Variants in RIMS1 observed in about 807,000 individuals in gnomAD.
RIMS1 encodes the protein regulating synaptic membrane exocytosis protein 1.
RIMS1 carries 83 observed loss-of-function variants against 214.1 expected under a neutral mutation model. The ratio of observed to expected loss-of-function variants is 0.39; its 90% CI spans 0.32 to 0.47. The LOEUF (loss-of-function observed/expected upper bound fraction) is 0.47. RIMS1 is among the 20% of genes least tolerant of loss of function. The pLI is 0.99. For synonymous variants in RIMS1, 793 were observed against 786.8 expected, an observed-to-expected ratio of 1.01 and a Z score of -0.13; for missense variants, 2,050 against 2,161.8, an observed-to-expected ratio of 0.95 and a Z score of 1.03.
At chr6:72,244,010 G>C (rs1177278227) in intron 10 of RIMS1, among the ~76,000 whole-genome samples, 1 of 150,662 alleles carries the variant, frequency 6.6e-6, no homozygotes, top group Non-Finnish European at 1.5e-5. Context: ...TGTTACCCAG[G>C]CTGGAAAGCT....
intron 22 of RIMS1, among the ~76,000 whole-genome samples, chr6:72,271,737 T>C (rs1445387440): frequency 6.6e-6 from 1 of 152,194 alleles, no homozygotes; most frequent in Non-Finnish European, 1.5e-5. Flanking sequence ...GCACTGTCTA[T>C]TTCTTGGTTA....
At chr6:72,262,857 C>A in intron 19 of RIMS1, 1 of 641,540 alleles carries the variant, frequency 1.6e-6, no homozygotes, top group Non-Finnish European at 1.9e-6. Flanking sequence ...TGAGGATTTA[C>A]TAGTCTCTAG....
chr6:72,148,167 G>T (rs1316218161), intron 4 of RIMS1, among the ~76,000 whole-genome samples: 1 of 152,188 alleles, frequency 6.6e-6, no homozygotes, highest in Non-Finnish European at 1.5e-5. Context: ...TGAGGGGTGT[G>T]TCCTGTGGTA....
intron 2 of RIMS1, among the ~76,000 whole-genome samples, chr6:72,046,778 A>T (rs1823178882): frequency 6.6e-6 from 1 of 152,140 alleles, no homozygotes; most frequent in Non-Finnish European, 1.5e-5. Flanking sequence ...AAGCCAATAG[A>T]TCATATAAAA....
At chr6:72,271,755 C>A (rs1203479071) in intron 22 of RIMS1, among the ~76,000 whole-genome samples, 2 of 152,140 alleles carry the variant, frequency 1.3e-5, no homozygotes, top group African/African-American at 4.8e-5. Flanking sequence ...TTAAGGTTCT[C>A]ATTATTCTTT....
chr6:72,329,828 G>GGGAGCA (rs1316802473), intron 28 of RIMS1, among the ~76,000 whole-genome samples: 4 of 151,684 alleles, frequency 2.6e-5, no homozygotes, highest in African/African-American at 7.3e-5. Flanking sequence ...AGATTGGAGA[G>GGGAGCA]GGAGCAGGTT....
chr6:72,372,776 A>T (rs571161869), intron 29 of RIMS1, among the ~76,000 whole-genome samples: 2 of 152,340 alleles, frequency 1.3e-5, no homozygotes, highest in East Asian at 3.9e-4. Flanking sequence ...GAAACTATAT[A>T]TGGCTGCCGC....
At chr6:72,303,981 C>T (rs543311221) in intron 26 of RIMS1, among the ~76,000 whole-genome samples, 11 of 151,320 alleles carry the variant, frequency 7.3e-5, no homozygotes, top group South Asian at 4.2e-4. Flanking sequence ...CTTTATCTTT[C>T]GACTTTATTA....
intron 2 of RIMS1, among the ~76,000 whole-genome samples, chr6:72,060,012 C>T (rs1444199611): frequency 1.3e-5 from 2 of 152,048 alleles, no homozygotes; most frequent in Non-Finnish European, 2.9e-5. Context: ...GATCTCAGCT[C>T]ACCACAACCT....
intron 29 of RIMS1, among the ~76,000 whole-genome samples, chr6:72,341,898 T>C (rs1312441826): frequency 6.6e-6 from 1 of 151,798 alleles, no homozygotes; most frequent in Non-Finnish European, 1.5e-5. Flanking sequence ...TTTCTCCAAA[T>C]ACTGACAAGA....
chr6:71,956,095 T>G (rs1936021), intron 1 of RIMS1, among the ~76,000 whole-genome samples: 54 of 148,562 alleles, frequency 3.6e-4, no homozygotes, highest in African/African-American at 1.3e-3. Flanking sequence ...GCCTAAAAAA[T>G]ATATATATAT....
chr6:71,914,860 A>G (rs1777871240), intron 1 of RIMS1, among the ~76,000 whole-genome samples: 1 of 152,154 alleles, frequency 6.6e-6, no homozygotes, highest in East Asian at 1.9e-4. Flanking sequence ...CTACAAATTT[A>G]GGGCCTCTTT....
intron 12 of RIMS1, 71 bp from the exon 13 acceptor site, chr6:72,250,259 G>C: frequency 7.0e-7 from 1 of 1,423,918 alleles, no homozygotes; most frequent in East Asian, 2.4e-5. Context: ...AATATAACTT[G>C]AATTTTGTTT....
intron 13 of RIMS1, 135 bp from the exon 14 acceptor site, chr6:72,250,786 T>C (rs758996093): frequency 4.6e-5 from 27 of 585,674 alleles, no homozygotes; most frequent in Non-Finnish European, 6.7e-5. Context: ...ATTATTAAAC[T>C]CTATTATCTT....
chr6:72,031,615 G>A (rs1392166770), intron 2 of RIMS1, among the ~76,000 whole-genome samples: 2 of 152,090 alleles, frequency 1.3e-5, no homozygotes, highest in Admixed American at 1.3e-4. Flanking sequence ...CACTCAGAAA[G>A]CAATAAAAAC....
chr6:71,942,254 C>A (rs1786384843), intron 1 of RIMS1, among the ~76,000 whole-genome samples: 1 of 152,154 alleles, frequency 6.6e-6, no homozygotes, highest in East Asian at 1.9e-4. Flanking sequence ...GCAACTAATT[C>A]TATGTTCATT....
chr6:72,202,901 T>C (rs1020416537), intron 6 of RIMS1, among the ~76,000 whole-genome samples: 1 of 152,222 alleles, frequency 6.6e-6, no homozygotes, highest in Non-Finnish European at 1.5e-5. Context: ...CATGGAGTAG[T>C]TGTAAAGATT....
chr6:72,093,591 A>G (rs2029933500), intron 2 of RIMS1, among the ~76,000 whole-genome samples: 1 of 151,982 alleles, frequency 6.6e-6, no homozygotes, highest in African/African-American at 2.4e-5. Flanking sequence ...TTTAAAATCT[A>G]ATGTGATGAT....
At chr6:71,936,530 T>C (rs1784520359) in intron 1 of RIMS1, among the ~76,000 whole-genome samples, 1 of 152,162 alleles carries the variant, frequency 6.6e-6, no homozygotes. Flanking sequence ...TTAGTTCAGT[T>C]CTTCCCTTTG....
Sources: gnomAD v4.1 joint callset for allele counts (sites outside exome capture counted in the v4.1 genomes callset) on GRCh38, gnomAD v4.1.1 for gene constraint, MANE v1.5 for transcripts, NCBI Gene and HGNC (gene_info 2026-07-23, HGNC 2026-07-21) for gene names.